PDE4D: variants seen among roughly 807,000 people sequenced by gnomAD.
The protein encoded by PDE4D is phosphodiesterase 4D, also known as 3',5'-cyclic-AMP phosphodiesterase 4D.
PDE4D carries 24 observed loss-of-function variants against 87.4 expected under a neutral mutation model. That is an observed-to-expected ratio of 0.27 (90% CI 0.20 to 0.39). The LOEUF is 0.39. Ranked by LOEUF, PDE4D falls within the 10% of genes least tolerant of loss-of-function variation. The probability of loss-of-function intolerance (pLI) is 1.00; values close to 1 mark genes in which losing one functional copy is unlikely to be tolerated. For missense variants in PDE4D, 714 were observed against 1,041.0 expected, an observed-to-expected ratio of 0.69 and a Z score of 4.32; for synonymous variants, 384 against 383.2, an observed-to-expected ratio of 1.00 and a Z score of -0.02.
At chr5:60,308,611 A>G (rs924877021) in intron 1 of PDE4D, among the ~76,000 whole-genome samples, 4 of 152,248 alleles carry the variant, frequency 2.6e-5, no homozygotes, top group African/African-American at 9.6e-5. Flanking sequence ...ATGTTGCCAC[A>G]TAAGGCAAAA....
intron 2 of PDE4D, chr5:60,022,743 T>C (rs886916777): frequency 1.3e-5 from 2 of 152,316 alleles, no homozygotes; most frequent in Non-Finnish European, 2.9e-5. Flanking sequence ...TCCACTTTAG[T>C]TGACTCCCTA....
At chr5:60,239,910 TTTTA>T (rs1562249108) in intron 1 of PDE4D, among the ~76,000 whole-genome samples, 1 of 152,092 alleles carries the variant, frequency 6.6e-6, no homozygotes, top group Admixed American at 6.6e-5. Flanking sequence ...TCTATCTACC[TTTTA>T]TTTATTTCTT....
rs189089105 is a variant in PDE4D, at chr5:58,997,904, T to G, written c.922-4439A>C. On this transcript the variant is annotated intron_variant, in intron 6 of 14. Coordinates refer to ENST00000340635, the MANE Select transcript of PDE4D (RefSeq NM_001104631.2). ...AAAATGTCCTTAAATGTAATCTCCT[T>G]TACTTCTACATCACGCCAGTGTGCT... Among the ~76,000 whole-genome samples the G allele has an allele frequency of 6.2e-3, 940 of 152,232 alleles. 3 individuals are homozygous for G. Among genetic ancestry groups the G allele is most frequent in the Non-Finnish European group, 9.6e-3 (653 of 67,958 alleles).
chr5:60,295,131 G>T (rs192169507), intron 1 of PDE4D, among the ~76,000 whole-genome samples: 1 of 152,132 alleles, frequency 6.6e-6, no homozygotes, highest in East Asian at 2.0e-4. Context: ...TATAAGAAAT[G>T]AAATGTTTAA....
intron 1 of PDE4D, among the ~76,000 whole-genome samples, chr5:59,806,478 C>G (rs1410612615): frequency 2.6e-5 from 4 of 152,170 alleles, no homozygotes; most frequent in African/African-American, 9.6e-5. Flanking sequence ...AAGGCATAAA[C>G]TGAAGGGCTA....
chr5:59,226,683 G>A (rs1455639393), intron 1 of PDE4D, among the ~76,000 whole-genome samples: 1 of 152,074 alleles, frequency 6.6e-6, no homozygotes, highest in Admixed American at 6.6e-5. Flanking sequence ...TTTCAAAAAG[G>A]ATCTCAAATG....
intron 1 of PDE4D, among the ~76,000 whole-genome samples, chr5:60,441,838 A>G (rs756046136): frequency 2.0e-5 from 3 of 151,958 alleles, no homozygotes; most frequent in Non-Finnish European, 2.9e-5. Flanking sequence ...GTATGAAAAA[A>G]AAGCTCATCA....
chr5:60,268,524 G>C (rs918173485), intron 1 of PDE4D, among the ~76,000 whole-genome samples: 1 of 152,184 alleles, frequency 6.6e-6, no homozygotes, highest in Non-Finnish European at 1.5e-5. Context: ...ATAATGAAGG[G>C]CATTGCAAAG....
At chr5:60,379,845 G>A (rs1030872982) in intron 1 of PDE4D, among the ~76,000 whole-genome samples, 1 of 152,112 alleles carries the variant, frequency 6.6e-6, no homozygotes, top group Non-Finnish European at 1.5e-5. Flanking sequence ...ACGTCTCACT[G>A]TCATTGAATA....
chr5:59,646,229 C>T (rs939343457), intron 1 of PDE4D, among the ~76,000 whole-genome samples: 2 of 152,110 alleles, frequency 1.3e-5, no homozygotes, highest in African/African-American at 2.4e-5. Flanking sequence ...AGGGACTCCT[C>T]GAGTTGTATA....
intron 1 of PDE4D, among the ~76,000 whole-genome samples, chr5:59,432,407 T>C (rs913362520): frequency 6.6e-6 from 1 of 152,104 alleles, no homozygotes; most frequent in Admixed American, 6.6e-5. Flanking sequence ...GACATATAAT[T>C]TTGGACTCAT....
At chr5:59,009,661 ATATT>A (rs1295976865) in intron 6 of PDE4D, among the ~76,000 whole-genome samples, 4 of 152,198 alleles carry the variant, frequency 2.6e-5, no homozygotes, top group African/African-American at 7.2e-5. Flanking sequence ...TAGTACATAT[ATATT>A]ATAATTACAC....
At chr5:60,318,825 T>C (rs1214267907) in intron 1 of PDE4D, among the ~76,000 whole-genome samples, 1 of 152,304 alleles carries the variant, frequency 6.6e-6, no homozygotes, top group East Asian at 1.9e-4. Flanking sequence ...CACTCTCTTC[T>C]GGCTTGTAGA....
At chr5:59,429,849 T>C (rs1184768840) in intron 1 of PDE4D, among the ~76,000 whole-genome samples, 2 of 152,188 alleles carry the variant, frequency 1.3e-5, no homozygotes, top group East Asian at 1.9e-4. Context: ...CCCTAGCAAC[T>C]ACAGGAAAAC....
At chr5:59,323,512 C>G (rs912581824) in intron 1 of PDE4D, among the ~76,000 whole-genome samples, 1 of 152,026 alleles carries the variant, frequency 6.6e-6, no homozygotes, top group Non-Finnish European at 1.5e-5. Flanking sequence ...TTTGGATATC[C>G]TAACTCAGTA....
chr5:59,798,254 CTGTGTGTGTGTGTGTG>C (rs72009917), intron 1 of PDE4D, among the ~76,000 whole-genome samples: 45 of 143,946 alleles, frequency 3.1e-4, no homozygotes, highest in South Asian at 9.2e-4. Context: ...ATATAAATGC[CTGTGTGTGTGTGTGTG>C]TGTGTGTGTG....
intron 1 of PDE4D, among the ~76,000 whole-genome samples, chr5:59,366,311 G>C (rs1554143782): frequency 6.6e-6 from 1 of 151,944 alleles, no homozygotes; most frequent in South Asian, 2.1e-4. Context: ...AAGACAATTT[G>C]TTTTTTTCTA....
intron 1 of PDE4D, among the ~76,000 whole-genome samples, chr5:60,476,408 C>T (rs1748325765): frequency 6.6e-6 from 1 of 152,118 alleles, no homozygotes; most frequent in African/African-American, 2.4e-5. Flanking sequence ...TCCACTGTTA[C>T]TCTCCTAACA....
intron 2 of PDE4D, among the ~76,000 whole-genome samples, chr5:60,006,407 G>A (rs1256711437): frequency 2.0e-5 from 3 of 151,762 alleles, no homozygotes; most frequent in Non-Finnish European, 4.4e-5. Flanking sequence ...TTTACAGAAG[G>A]AGAAATAAGG....
Sources: gnomAD v4.1 joint callset for allele counts (sites outside exome capture counted in the v4.1 genomes callset) on GRCh38, gnomAD v4.1.1 for gene constraint, MANE v1.5 for transcripts, NCBI Gene and HGNC (gene_info 2026-07-23, HGNC 2026-07-21) for gene names.